Variants in ANKRD30BL observed in about 807,000 individuals in gnomAD.
The protein encoded by ANKRD30BL is ankyrin repeat domain 30B like.
Under a neutral mutation model 18.4 loss-of-function variants are expected in ANKRD30BL, and 20 were observed. The observed-to-expected ratio is 1.09, with a 90% CI of 0.77 to 1.58. ANKRD30BL has a LOEUF of 1.58. Among genes scored for constraint, ANKRD30BL ranks in the 40% most tolerant of loss-of-function variants. The pLI, the probability that ANKRD30BL is intolerant of heterozygous loss-of-function variation, is 0.00. For synonymous variants in ANKRD30BL, 72 were observed against 100.9 expected (o/e 0.71, Z 1.72); for missense variants, 224 against 268.6 (o/e 0.83, Z 1.16).
chr2:132,164,699 T>A (rs192920625), upstream of ANKRD30BL, among the ~76,000 whole-genome samples: 304 of 152,322 alleles, frequency 2.0e-3, no homozygotes, highest in Non-Finnish European at 1.4e-3. Context: ...CTGCATTCCA[T>A]CTCAGGATCC....
intron 1 of ANKRD30BL, among the ~76,000 whole-genome samples, chr2:132,197,865 C>T (rs896972827): frequency 2.0e-5 from 3 of 151,856 alleles, no homozygotes; most frequent in Non-Finnish European, 2.9e-5. Context: ...GTTTTAGTTC[C>T]TATGAACCTT....
intron 5 of ANKRD30BL, among the ~76,000 whole-genome samples, chr2:132,148,867 G>A (rs992698760): frequency 1.3e-4 from 20 of 152,190 alleles, no homozygotes; most frequent in Admixed American, 3.9e-4. Flanking sequence ...TAATAAACTA[G>A]TAAATAATAA....
At chr2:132,205,125 C>A (rs529614510) in intron 1 of ANKRD30BL, among the ~76,000 whole-genome samples, 1 of 152,216 alleles carries the variant, frequency 6.6e-6, no homozygotes, top group South Asian at 2.1e-4. Flanking sequence ...GAGTCTTTTA[C>A]ATACACATTC....
At chr2:132,254,660 C>T (rs554788548) in intron 1 of ANKRD30BL, among the ~76,000 whole-genome samples, 3 of 152,360 alleles carry the variant, frequency 2.0e-5, no homozygotes, top group Admixed American at 1.3e-4. Flanking sequence ...GGTAGGCACA[C>T]GCTGAGCCAG....
At chr2:132,233,023 C>A (rs1412609893) in intron 1 of ANKRD30BL, among the ~76,000 whole-genome samples, 1 of 151,974 alleles carries the variant, frequency 6.6e-6, no homozygotes, top group Non-Finnish European at 1.5e-5. Context: ...AGAGTGGGGG[C>A]CGATATTCAA....
intron 1 of ANKRD30BL, among the ~76,000 whole-genome samples, chr2:132,195,788 C>CAAAAA (rs1205804103): frequency 4.3e-4 from 21 of 48,666 alleles, no homozygotes; most frequent in African/African-American, 1.0e-3. Flanking sequence ...GAGCCTCTGC[C>CAAAAA]AAAAAAAAAA....
chr2:132,215,262 T>C (rs1217134969), intron 1 of ANKRD30BL, among the ~76,000 whole-genome samples: 1 of 152,282 alleles, frequency 6.6e-6, no homozygotes, highest in Non-Finnish European at 1.5e-5. Context: ...GAACATTTCT[T>C]TTGATTGAGC....
intron 1 of ANKRD30BL, among the ~76,000 whole-genome samples, chr2:132,171,869 A>G (rs1465931973): frequency 3.3e-5 from 5 of 152,104 alleles, no homozygotes; most frequent in Non-Finnish European, 7.4e-5. Context: ...GTACCCATTA[A>G]ACAATAACTT....
chr2:132,228,940 T>G (rs1373790948), intron 1 of ANKRD30BL, among the ~76,000 whole-genome samples: 2 of 151,866 alleles, frequency 1.3e-5, no homozygotes, highest in African/African-American at 2.4e-5. Context: ...AGGAATTATC[T>G]TCACATAAAA....
At chr2:132,187,188 G>GTTTTTTTTTTT (rs1193358076) in intron 1 of ANKRD30BL, among the ~76,000 whole-genome samples, 4 of 90,622 alleles carry the variant, frequency 4.4e-5, no homozygotes, top group Non-Finnish European at 6.6e-5. Context: ...TTTTTTGTTT[G>GTTTTTTTTTTT]TTTTTTTTTT....
chr2:132,212,084 A>AT (rs1355657050), intron 1 of ANKRD30BL, among the ~76,000 whole-genome samples: 3 of 151,946 alleles, frequency 2.0e-5, no homozygotes, highest in Admixed American at 6.6e-5. Context: ...ATATCTTCAC[A>AT]TAAAAACTAG....
At chr2:132,228,837 G>A (rs1159410507) in intron 1 of ANKRD30BL, among the ~76,000 whole-genome samples, 1 of 150,076 alleles carries the variant, frequency 6.7e-6, no homozygotes, top group African/African-American at 2.5e-5. Context: ...ATCTCACAGA[G>A]TAAACCTTTC....
chr2:132,253,548 T>G (rs13430201), intron 1 of ANKRD30BL, among the ~76,000 whole-genome samples: 7 of 151,956 alleles, frequency 4.6e-5, no homozygotes, highest in African/African-American at 1.2e-4. Flanking sequence ...AGGCCACACG[T>G]GCAGCATGCA....
chr2:132,153,241 T>C (rs548334101), intron 4 of ANKRD30BL, among the ~76,000 whole-genome samples: 114 of 152,254 alleles, frequency 7.5e-4, no homozygotes, highest in African/African-American at 2.7e-3. Context: ...AGAATAAAGG[T>C]ATGGAAGACA....
At chr2:132,153,001 G>A (rs1687799130) in intron 4 of ANKRD30BL, among the ~76,000 whole-genome samples, 1 of 152,074 alleles carries the variant, frequency 6.6e-6, no homozygotes, top group Non-Finnish European at 1.5e-5. Context: ...TAACTTCGAA[G>A]TCTACACCAT....
intron 1 of ANKRD30BL, among the ~76,000 whole-genome samples, chr2:132,229,926 G>T (rs967566322): frequency 5.9e-5 from 9 of 152,104 alleles, no homozygotes; most frequent in Admixed American, 1.3e-4. Flanking sequence ...GTGGATATTT[G>T]GAACGCTTGG....
chr2:132,169,129 T>C (rs1688234594), intron 1 of ANKRD30BL, among the ~76,000 whole-genome samples: 2 of 152,142 alleles, frequency 1.3e-5, no homozygotes, highest in Non-Finnish European at 2.9e-5. Context: ...AAAAAGTAAA[T>C]ATTTTCTGAT....
intron 1 of ANKRD30BL, among the ~76,000 whole-genome samples, chr2:132,252,342 C>G (rs1180306082): frequency 6.6e-6 from 1 of 152,208 alleles, no homozygotes; most frequent in Non-Finnish European, 1.5e-5. Flanking sequence ...TGCCCTGCCC[C>G]GACATGGAAG....
At position 132,192,733 on chromosome 2, in the gene ANKRD30BL, C is replaced by T. The variant is rs372040931; in HGVS notation, n.442-35587G>A. The stretch of plus-strand genomic sequence containing the variant: ...GTGACTGCATTTGTGTCCCTGTGGC[C>T]ATCTGAAGGAGGGAGAAAGGGGCAA... On this transcript the variant is annotated intron_variant and non_coding_transcript_variant, in intron 1 of 4. Transcript: ENST00000470729. Among the ~76,000 whole-genome samples, 39 of 152,326 alleles carry T rather than the reference C, an allele frequency of 2.6e-4. No individual in the cohort carries two copies. The East Asian group carries it at 5.0e-3, about 20-fold the overall frequency.
Sources: gnomAD v4.1 joint callset for allele counts (sites outside exome capture counted in the v4.1 genomes callset) on GRCh38, gnomAD v4.1.1 for gene constraint, MANE v1.5 for transcripts, NCBI Gene and HGNC (gene_info 2026-07-23, HGNC 2026-07-21) for gene names.